DPP6: variants seen among roughly 807,000 people sequenced by gnomAD.
DPP6 encodes dipeptidyl peptidase like 6, also known as A-type potassium channel modulatory protein DPP6.
A neutral mutation model predicts 122.6 loss-of-function variants in DPP6; 69 were observed. The observed-to-expected ratio is 0.56, with a 90% CI of 0.46 to 0.69. The LOEUF is 0.69. Among genes scored for constraint, DPP6 ranks in the 30% least tolerant of loss-of-function variants. The probability of loss-of-function intolerance (pLI) is 0.00; values close to 1 mark genes in which losing one functional copy is unlikely to be tolerated. For missense variants in DPP6, 928 were observed against 1,116.9 expected (o/e 0.83, Z 2.41); for synonymous variants, 418 against 433.1 (o/e 0.97, Z 0.43).
At chr7:154,797,992 A>C (rs1313492870) in intron 12 of DPP6, among the ~76,000 whole-genome samples, 1 of 152,218 alleles carries the variant, frequency 6.6e-6, no homozygotes, top group East Asian at 1.9e-4. Context: ...CGTGGTGGAC[A>C]TGGAGCAGGA....
At position 154,860,729 on chromosome 7, in the gene DPP6, G is replaced by A. The variant is rs1584918760; in HGVS notation, c.1714+6902G>A. ...GCTGCCTCCTTGGGTGCAGCAGCAG[G>A]CGACTGGGTGGGTGTCTGGAGAGTA... On this transcript the variant is annotated intron_variant, in intron 17 of 25. Transcript: ENST00000377770. 5.3e-5 allele frequency among the ~76,000 whole-genome samples: 8 copies of A among 152,330 alleles called. No individual in the cohort carries two copies. In the South Asian group the frequency reaches 1.4e-3, roughly 28 times the overall value.
chr7:154,060,147 G>T (rs1240517028), intron 1 of DPP6, among the ~76,000 whole-genome samples: 1 of 145,020 alleles, frequency 6.9e-6, no homozygotes, highest in Non-Finnish European at 1.5e-5. Context: ...TCCTCCCCTG[G>T]CTCTTTGCAC....
intron 1 of DPP6, among the ~76,000 whole-genome samples, chr7:154,247,845 G>C (rs1453189881): frequency 6.6e-6 from 1 of 152,172 alleles, no homozygotes; most frequent in Non-Finnish European, 1.5e-5. Flanking sequence ...AAACTAGAAA[G>C]AAGCCAGGTA....
At chr7:154,453,033 A>C (rs1239260226) in intron 2 of DPP6, among the ~76,000 whole-genome samples, 2 of 152,156 alleles carry the variant, frequency 1.3e-5, no homozygotes, top group African/African-American at 4.8e-5. Flanking sequence ...GTATCTGTCT[A>C]CAATAGGCCA....
intron 1 of DPP6, among the ~76,000 whole-genome samples, chr7:154,062,254 A>T (rs1332767951): frequency 1.1e-5 from 1 of 91,500 alleles, no homozygotes; most frequent in East Asian, 3.0e-4. Flanking sequence ...TTCTGACGGC[A>T]GGTACCTTAC....
intron 1 of DPP6, among the ~76,000 whole-genome samples, chr7:154,063,625 A>AGTG (rs1802431372): frequency 3.5e-5 from 4 of 114,440 alleles, no homozygotes; most frequent in Non-Finnish European, 5.4e-5. Context: ...CCCACGAGGC[A>AGTG]GGGACTGAGA....
intron 1 of DPP6, among the ~76,000 whole-genome samples, chr7:153,893,014 G>C (rs1253048809): frequency 6.6e-6 from 1 of 152,178 alleles, no homozygotes; most frequent in African/African-American, 2.4e-5. Flanking sequence ...AGGATTTATA[G>C]GAATGGGGAT....
At chr7:153,773,956 A>G in the DPP6 span, among the ~76,000 whole-genome samples, 6 of 152,048 alleles carry the variant, frequency 3.9e-5, no homozygotes, top group Non-Finnish European at 8.8e-5. Context: ...ATAAACCTGT[A>G]ACTGAACTAA....
At chr7:153,803,298 G>GGT in the DPP6 span, among the ~76,000 whole-genome samples, 9 of 149,078 alleles carry the variant, frequency 6.0e-5, no homozygotes, top group Non-Finnish European at 1.3e-4. Flanking sequence ...ATTATTTTGG[G>GGT]GTGTGTGTGT....
chr7:154,759,036 T>C (rs778078018), intron 8 of DPP6, among the ~76,000 whole-genome samples: 12 of 152,194 alleles, frequency 7.9e-5, no homozygotes, highest in Non-Finnish European at 1.3e-4. Flanking sequence ...CTAGAGTCTA[T>C]GAAATTTGGG....
intron 1 of DPP6, among the ~76,000 whole-genome samples, chr7:154,111,329 TG>T (rs1466608094): frequency 6.6e-6 from 1 of 152,190 alleles, no homozygotes; most frequent in Non-Finnish European, 1.5e-5. Flanking sequence ...CTTAGCTCTG[TG>T]GTGCCTTGGT....
intron 1 of DPP6, among the ~76,000 whole-genome samples, chr7:154,365,517 G>A (rs1424515502): frequency 6.6e-6 from 1 of 152,190 alleles, no homozygotes; most frequent in Non-Finnish European, 1.5e-5. Flanking sequence ...AGGGGAACGT[G>A]TAACTATGAG....
rs147404455 is a variant in DPP6 at position 154,287,439 on chromosome 7, A to G, written c.244-158775A>G. On this transcript the variant is annotated intron_variant, in intron 1 of 25. Coordinates refer to ENST00000377770, the MANE Select transcript of DPP6 (RefSeq NM_130797.4). The stretch of plus-strand genomic sequence containing the variant: ...CCTGCTCAGTGCAAAGCATCTCCCA[A>G]GGTAACAGTCCCTGCTGGCTGCTTT... Among the ~76,000 whole-genome samples, 98 of 152,340 alleles carry G rather than the reference A, an allele frequency of 6.4e-4. 1 individual carries two copies. The Middle Eastern group carries it at 0.01, about 16-fold the overall frequency.
At chr7:154,834,157 G>T (rs1435915007) in intron 16 of DPP6, among the ~76,000 whole-genome samples, 1 of 152,000 alleles carries the variant, frequency 6.6e-6, no homozygotes, top group Non-Finnish European at 1.5e-5. Context: ...TGCCACTGAG[G>T]AATATTTACA....
chr7:154,389,621 T>C (rs1814436901), intron 1 of DPP6, among the ~76,000 whole-genome samples: 1 of 152,218 alleles, frequency 6.6e-6, no homozygotes, highest in Non-Finnish European at 1.5e-5. Flanking sequence ...GCCTAAATAT[T>C]TATAAAACAA....
intron 1 of DPP6, among the ~76,000 whole-genome samples, chr7:154,056,100 G>A (rs1365148063): frequency 6.6e-6 from 1 of 152,194 alleles, no homozygotes; most frequent in South Asian, 2.1e-4. Flanking sequence ...AATTAATAAT[G>A]CATGGTCTAA....
chr7:154,040,715 T>C (rs1444743958), intron 1 of DPP6, among the ~76,000 whole-genome samples: 1 of 152,238 alleles, frequency 6.6e-6, no homozygotes, highest in Non-Finnish European at 1.5e-5. Flanking sequence ...TTCCCACATA[T>C]TCTGTGTACA....
chr7:154,385,886 C>T (rs186524951), intron 1 of DPP6, among the ~76,000 whole-genome samples: 70 of 152,270 alleles, frequency 4.6e-4, no homozygotes, highest in Admixed American at 1.7e-3. Context: ...AGCCTTTGAA[C>T]AGCCAGAACT....
At chr7:153,926,015 T>G (rs1800881999) in intron 1 of DPP6, among the ~76,000 whole-genome samples, 1 of 152,152 alleles carries the variant, frequency 6.6e-6, no homozygotes, top group Admixed American at 6.5e-5. Context: ...TCAGGGACAC[T>G]CCTCACACCC....
Sources: gnomAD v4.1 joint callset for allele counts (sites outside exome capture counted in the v4.1 genomes callset) on GRCh38, gnomAD v4.1.1 for gene constraint, MANE v1.5 for transcripts, NCBI Gene and HGNC (gene_info 2026-07-23, HGNC 2026-07-21) for gene names.